SUPT6H: variants seen among roughly 807,000 people sequenced by gnomAD.
SUPT6H encodes SPT6 homolog, histone chaperone and transcription elongation factor.
In SUPT6H, 11 loss-of-function variants were observed where a neutral mutation model predicts 222.3. The observed-to-expected ratio is 0.05, with a 90% CI of 0.03 to 0.08. SUPT6H has a LOEUF of 0.08. Among genes scored for constraint, SUPT6H ranks in the 10% least tolerant of loss-of-function variants. The pLI, the probability that SUPT6H is intolerant of heterozygous loss-of-function variation, is 1.00. For synonymous variants in SUPT6H, 762 were observed against 801.2 expected (o/e 0.95, Z 0.83); for missense variants, 1,422 against 2,216.0 (o/e 0.64, Z 7.19).
At chr17:28,677,322 A>G (rs1340806608) in intron 7 of SUPT6H, among the ~76,000 whole-genome samples, 2 of 151,176 alleles carry the variant, frequency 1.3e-5, no homozygotes, top group African/African-American at 4.9e-5. Context: ...GGCGGAGGTT[A>G]CAGTGAGCTG....
chr17:28,682,148 T>G, intron 13 of SUPT6H, 168 bp downstream of exon 13: 5 of 515,586 alleles, frequency 9.7e-6, no homozygotes, highest in East Asian at 3.2e-5. Context: ...TCCAAACCCA[T>G]TCCCGCCCGA....
intron 1 of SUPT6H, among the ~76,000 whole-genome samples, chr17:28,666,550 C>CTTT (rs869201111): frequency 1.6e-4 from 22 of 138,662 alleles, no homozygotes; most frequent in Non-Finnish European, 2.8e-4. Context: ...AAAAGGAATA[C>CTTT]TTTTTTTTTT....
intron 4 of SUPT6H, 114 bp downstream of exon 4, chr17:28,674,727 G>C: frequency 9.9e-7 from 1 of 1,014,952 alleles, no homozygotes; most frequent in Non-Finnish European, 1.5e-6. Context: ...ATTAGAGCAC[G>C]GTGTTCGGTA....
At position 28,674,965 on chromosome 17, in the gene SUPT6H, C is replaced by G; in HGVS notation, c.346-5C>G. 1 of 1,613,178 alleles carries G rather than the reference C, an allele frequency of 6.2e-7. No homozygotes were observed. The highest frequency in any genetic ancestry group is 1.1e-5 in the South Asian group (1 of 90,954). On this transcript the variant is annotated splice_polypyrimidine_tract_variant and splice_region_variant and intron_variant, in intron 4 of 36. Coordinates refer to ENST00000314616, the MANE Select transcript of SUPT6H (RefSeq NM_003170.5). ...TCCTGATAAGGCAGGTTTTCCCACC[C>G]CTAGCAAAAGTACCGGCGTGTCAAA... is the stretch of plus-strand genomic sequence containing the variant.
chr17:28,686,371 C>T lies in SUPT6H; in HGVS notation c.2520C>T (p.Leu840=). Residue 840 remains leucine, a synonymous_variant, in exon 20 of 37, where the codon CTC becomes CTT. Transcript: ENST00000314616. ...AQDIETLKKF[L]LNKKPHVVTV... is the part of the protein sequence containing the mutation. The stretch of plus-strand genomic sequence containing the variant: ...ACATTGAAACGCTAAAGAAATTTCT[C>T]CTGAATAAGAAGCCTCATGTAGTGA... 1 of 1,614,178 alleles carries T rather than the reference C, an allele frequency of 6.2e-7. No individual in the cohort carries two copies. Among genetic ancestry groups the T allele is most frequent in the Non-Finnish European group, 8.5e-7 (1 of 1,180,032 alleles).
intron 1 of SUPT6H, among the ~76,000 whole-genome samples, chr17:28,667,394 A>AAAAAAAAATT (rs1555546879): frequency 1.7e-5 from 1 of 59,340 alleles, no homozygotes; most frequent in East Asian, 5.8e-4. Flanking sequence ...AAAAAAAAAA[A>AAAAAAAAATT]GTGTGTGTGT....
chr17:28,675,257 C>A, intron 5 of SUPT6H, 95 bp downstream of exon 5: 3 of 1,490,222 alleles, frequency 2.0e-6, no homozygotes, highest in South Asian at 2.5e-5. Context: ...TAGCTACATC[C>A]CCCAGCATTT....
chr17:28,662,249 T>C lies in SUPT6H; in HGVS notation c.-125T>C. ...CGGTGGCGGCGGAGGGGCCGTGCGGTGGGTCCGTACTATCTTTTCCCAGTC... is the reference window on the plus strand; with the variant it reads ...CGGTGGCGGCGGAGGGGCCGTGCGGCGGGTCCGTACTATCTTTTCCCAGTC... On this transcript the variant is annotated 5_prime_UTR_variant, in exon 1 of 37. Transcript: ENST00000314616. 5.0e-6 allele frequency: 1 copy of C among 200,606 alleles called. No individual in the cohort carries two copies. The highest frequency in any genetic ancestry group is 1.3e-4 in the East Asian group (1 of 7,816). 12.4% of individuals were successfully genotyped at this position (200,606 alleles called of 1,614,324 possible).
chr17:28,696,214 T>G (rs992233176), intron 29 of SUPT6H, among the ~76,000 whole-genome samples: 2 of 148,916 alleles, frequency 1.3e-5, no homozygotes, highest in African/African-American at 5.0e-5. Context: ...GGAGAATTGC[T>G]TGAACCCAGG....
rs543771782 is a variant in SUPT6H, at chr17:28,687,312, G to T, written c.2847G>T (p.Val949=). The T allele has an allele frequency of 2.5e-6, 4 of 1,614,142 alleles. No homozygotes were observed. The South Asian group carries it at 4.4e-5, about 18-fold the overall frequency. ...CLKFHPLQEH[V]VKEELLNALY... Reference sequence around the variant, plus strand: ...CTGCTGAATGTCCACAGGAGCATGTGGTGAAAGAGGAGCTGCTCAACGCCT... The same window carrying T: ...CTGCTGAATGTCCACAGGAGCATGTTGTGAAAGAGGAGCTGCTCAACGCCT... The change falls in exon 23 of 37, where the codon GTG becomes GTT. Residue 949 remains valine (V), a synonymous_variant. Transcript: ENST00000314616.
intron 1 of SUPT6H, among the ~76,000 whole-genome samples, chr17:28,665,600 A>G (rs1206538164): frequency 6.6e-6 from 1 of 152,120 alleles, no homozygotes; most frequent in Non-Finnish European, 1.5e-5. Context: ...TCTGTTAAAG[A>G]TACAAAGAAA....
intron 12 of SUPT6H, 128 bp from the exon 13 acceptor site, chr17:28,681,754 T>G: frequency 1.3e-6 from 1 of 755,834 alleles, no homozygotes; most frequent in Non-Finnish European, 2.1e-6. Flanking sequence ...CCCAGGAGAC[T>G]TGACAGCCCA....
chr17:28,683,938 C>T, intron 17 of SUPT6H, 122 bp downstream of exon 17: 1 of 849,392 alleles, frequency 1.2e-6, no homozygotes, highest in Non-Finnish European at 1.7e-6. Context: ...TAGGTTGATG[C>T]CATTCTCCTG....
chr17:28,695,474 C>G lies in SUPT6H; in HGVS notation c.3897C>G (p.Thr1299=). The G allele has an allele frequency of 1.9e-6, 3 of 1,614,100 alleles. No individual in the cohort carries two copies. The South Asian group carries it at 3.3e-5, about 18-fold the overall frequency. Residue 1299 remains threonine (T), a synonymous_variant, in exon 29 of 37, where the codon ACC becomes ACG. Coordinates refer to ENST00000314616, the MANE Select transcript of SUPT6H (RefSeq NM_003170.5). ...RNNEWKLPKD[T]YYDFDAEAAD... The stretch of plus-strand genomic sequence containing the variant: ...ATGAGTGGAAGCTGCCCAAAGACAC[C>G]TACTATGACTTTGATGCTGAAGCTG...
chr17:28,701,811 C>A lies in SUPT6H; in HGVS notation c.*186C>A. ...GAACTTGAGCTCAGTGTATGCTAGG[C>A]AACAATTCTCCCGCTCCAGACCCTC... On this transcript the variant is annotated 3_prime_UTR_variant, in exon 37 of 37. Transcript: ENST00000314616. 1 of 621,060 alleles carries A rather than the reference C, an allele frequency of 1.6e-6. No individual in the cohort carries two copies. Among genetic ancestry groups the A allele is most frequent in the Non-Finnish European group, 2.7e-6 (1 of 366,112 alleles). The allele number at this position is 621,060 out of a possible 1,614,324, so 38.5% of individuals were successfully genotyped here. A position where few individuals can be genotyped will look rare whatever the true frequency, so the allele number is the denominator to read the frequency against.
In SUPT6H at chr17:28,686,359, A is replaced by G. The variant is rs2031379197; in HGVS notation, c.2508A>G (p.Leu836=). The G allele has an allele frequency of 2.5e-6, 4 of 1,614,184 alleles. No individual in the cohort carries two copies. The highest frequency in any genetic ancestry group is 1.6e-4 in the Middle Eastern group (1 of 6,062). Residue 836 remains leucine (L), a synonymous_variant, in exon 20 of 37, where the codon CTA becomes CTG. Coordinates refer to ENST00000314616, the MANE Select transcript of SUPT6H (RefSeq NM_003170.5). ...REKKAQDIET[L]KKFLLNKKPH... ...TCCAGGCTCAAGACATTGAAACGCT[A>G]AAGAAATTTCTCCTGAATAAGAAGC...
In SUPT6H at chr17:28,676,331, G is replaced by T; in HGVS notation, c.798G>T (p.Arg266Ser). Residue 266 changes from arginine to serine, a missense_variant, in exon 7 of 37, where the codon AGG becomes AGT. By Grantham distance (110) the Arg-to-Ser change is moderately radical. This residue lies in a region of SUPT6H where 389 missense variants were observed against 544.6 expected (regional missense o/e 0.71). Coordinates refer to ENST00000314616, the MANE Select transcript of SUPT6H (RefSeq NM_003170.5). ...CCACCAAGAAGCGTGTGAGCCGTAGGAGCATCTTTGAAATGTATGAGCCCA... is the reference window on the plus strand; with the variant it reads ...CCACCAAGAAGCGTGTGAGCCGTAGTAGCATCTTTGAAATGTATGAGCCCA... ...KKTTKKRVSR[R>S]SIFEMYEPSE... 6.2e-7 allele frequency: 1 copy of T among 1,613,496 alleles called. No homozygotes were observed. Among genetic ancestry groups the T allele is most frequent in the Non-Finnish European group, 8.5e-7 (1 of 1,179,930 alleles).
intron 11 of SUPT6H, among the ~76,000 whole-genome samples, chr17:28,679,983 T>G (rs930472501): frequency 1.1e-5 from 1 of 89,296 alleles, no homozygotes; most frequent in South Asian, 4.5e-4. Context: ...AGAGCTAGAC[T>G]CCATCTCAAA....
At chr17:28,682,631 AAG>A (rs2031175840) in intron 13 of SUPT6H, 94 bp from the exon 14 acceptor site, 12 of 1,512,980 alleles carry the variant, frequency 7.9e-6, no homozygotes, top group Non-Finnish European at 3.6e-6. Context: ...GAAAATAAAA[AAG>A]GCTAGTTCCC....
Sources: allele counts gnomAD v4.1 joint callset (sites outside exome capture counted in the v4.1 genomes callset), GRCh38; gene constraint gnomAD v4.1.1; regional missense constraint gnomAD v4.1.1; transcripts MANE v1.5; gene names NCBI Gene and HGNC (gene_info 2026-07-23, HGNC 2026-07-21).